Variants in TRABD2A observed in about 807,000 individuals in gnomAD.
TRABD2A encodes metalloprotease TIKI1.
TRABD2A carries 43 observed loss-of-function variants against 45.6 expected under a neutral mutation model. The observed-to-expected ratio is 0.94, with a 90% confidence interval of 0.74 to 1.22. The LOEUF is 1.22. TRABD2A is among the 50% of genes most tolerant of loss of function. The pLI is 0.00. For missense variants in TRABD2A, 642 were observed against 652.4 expected (o/e 0.98, Z 0.17); for synonymous variants, 269 against 265.0 (o/e 1.02, Z -0.15).
chr2:84,821,777 G>A lies in TRABD2A; in HGVS notation c.*140C>T, dbSNP rs1681006281. 1 of 867,462 alleles carries A rather than the reference G, an allele frequency of 1.2e-6. No individual in the cohort carries two copies. Among genetic ancestry groups the A allele is most frequent in the African/African-American group, 1.8e-5 (1 of 57,088 alleles). The allele number at this position is 867,462 out of a possible 1,614,324, so 53.7% of individuals were successfully genotyped here. ...CCCAAAGTCACATTCCTTGGAAAGAGAAGAATCAACACTGGGCCGCTTTTT... is the reference window on the plus strand; with the variant it reads ...CCCAAAGTCACATTCCTTGGAAAGAAAAGAATCAACACTGGGCCGCTTTTT... On this transcript the variant is annotated 3_prime_UTR_variant, in exon 7 of 7. Transcript: ENST00000409520.
intron 1 of TRABD2A, among the ~76,000 whole-genome samples, chr2:84,873,014 C>T (rs1682913035): frequency 6.7e-6 from 1 of 149,386 alleles, no homozygotes; most frequent in Admixed American, 6.8e-5. Flanking sequence ...ATTTGGGAGG[C>T]TGAGGCAGGA....
intron 2 of TRABD2A, among the ~76,000 whole-genome samples, chr2:84,855,441 T>A (rs908495945): frequency 2.4e-4 from 36 of 151,200 alleles, no homozygotes; most frequent in South Asian, 4.2e-4. Flanking sequence ...TCCCTTTTTT[T>A]AAAAAAAAAT....
chr2:84,878,419 G>A (rs1278306243), intron 1 of TRABD2A, among the ~76,000 whole-genome samples: 2 of 152,028 alleles, frequency 1.3e-5, no homozygotes, highest in Non-Finnish European at 2.9e-5. Context: ...CAGCTGCTCA[G>A]GAGGCTGAGG....
intron 5 of TRABD2A, 80 bp downstream of exon 5, chr2:84,831,975 G>T: frequency 6.8e-7 from 1 of 1,460,900 alleles, no homozygotes; most frequent in Non-Finnish European, 9.6e-7. Context: ...AGCTCCTCAA[G>T]ATAGCAGCCC....
intron 2 of TRABD2A, among the ~76,000 whole-genome samples, chr2:84,859,446 A>G (rs1362608002): frequency 6.6e-6 from 1 of 152,262 alleles, no homozygotes; most frequent in Non-Finnish European, 1.5e-5. Flanking sequence ...AGAAGACAAA[A>G]TAAACATCTG....
chr2:84,872,406 G>A (rs578173194), intron 1 of TRABD2A, among the ~76,000 whole-genome samples: 2 of 152,228 alleles, frequency 1.3e-5, no homozygotes, highest in African/African-American at 4.8e-5. Context: ...CTACTCAAGA[G>A]GCTGAGGTGG....
intron 5 of TRABD2A, among the ~76,000 whole-genome samples, chr2:84,824,972 CTTT>C (rs1480066995): frequency 6.6e-6 from 1 of 152,196 alleles, no homozygotes; most frequent in Non-Finnish European, 1.5e-5. Flanking sequence ...CCAAATACTT[CTTT>C]GAGTGAAGAA....
At chr2:84,843,401 A>C (rs574257493) in intron 2 of TRABD2A, among the ~76,000 whole-genome samples, 1 of 152,160 alleles carries the variant, frequency 6.6e-6, no homozygotes, top group South Asian at 2.1e-4. Context: ...TTCTCCTTTC[A>C]CATGTTCTCC....
At position 84,870,310 on chromosome 2, in the gene TRABD2A, T is replaced by C. The variant is rs1207279814; in HGVS notation, c.584A>G (p.Glu195Gly). ...AGTCTGTTTCCTCAGCCGCTCAGCC[T>C]CCTGGGCAAGGAACAGGTCTAAGAC... Reference protein sequence around the residue: ...VPVLDLFLAQEAERLRKQTGA... With the variant: ...VPVLDLFLAQGAERLRKQTGA... The change falls in exon 2 of 7, where the codon GAG becomes GGG. Residue 195 changes from glutamate (E) to glycine (G), a missense_variant. Physicochemically the swap from Glu to Gly is moderately conservative, Grantham distance 98. Transcript: ENST00000409520. 1 of 1,614,022 alleles carries C rather than the reference T, an allele frequency of 6.2e-7. No individual in the cohort carries two copies. The highest frequency in any genetic ancestry group is 1.7e-5 in the Admixed American group (1 of 60,026).
In TRABD2A at chr2:84,821,919, A is replaced by C; in HGVS notation, c.1516T>G (p.Ter506GluextTer7). ...TCTTAGCCTGGTGCTTCCAGTCGTT[A>C]CAGGAGGGGTGTCTCTGTTTGGAAA... The part of the protein sequence containing the change: ...LAFQTETPLL[*>E] Residue 506 changes from the stop codon to glutamate, a stop_lost, in exon 7 of 7, where the codon TAA becomes GAA. Transcript: ENST00000409520. The C allele has an allele frequency of 1.3e-6, 2 of 1,594,198 alleles. No homozygotes were observed. The highest frequency in any genetic ancestry group is 8.5e-7 in the Non-Finnish European group (1 of 1,169,904).
chr2:84,879,935 G>A (rs1318188432), intron 1 of TRABD2A, among the ~76,000 whole-genome samples: 1 of 152,162 alleles, frequency 6.6e-6, no homozygotes, highest in East Asian at 1.9e-4. Flanking sequence ...GGGGAGCTGC[G>A]CAGGTGTCAT....
intron 2 of TRABD2A, among the ~76,000 whole-genome samples, chr2:84,849,742 C>T (rs529183586): frequency 6.6e-6 from 1 of 152,294 alleles, no homozygotes; most frequent in South Asian, 2.1e-4. Context: ...TAAAAAAATG[C>T]CTTAGAGAGG....
chr2:84,848,021 T>G lies in TRABD2A; in HGVS notation c.670-6014A>C, dbSNP rs551750657. Among the ~76,000 whole-genome samples, 130 of 152,346 alleles carry G rather than the reference T, an allele frequency of 8.5e-4. 1 individual carries two copies. The highest frequency in any genetic ancestry group is 1.4e-3 in the Admixed American group (22 of 15,302). On this transcript the variant is annotated intron_variant, in intron 2 of 6. Coordinates refer to ENST00000409520, the MANE Select transcript of TRABD2A (RefSeq NM_001277053.2). ...CCCTTTTTTATAAGAACAGTCATTT[T>G]TGAGTAGGGCCAACCCTAATGACCT...
intron 2 of TRABD2A, among the ~76,000 whole-genome samples, chr2:84,849,916 G>A (rs4831984): frequency 0.15 from 23,407 of 152,196 alleles, 2,077 homozygotes; most frequent in Non-Finnish European, 0.2. Flanking sequence ...TCCGCCAGTC[G>A]TAGTGTTTTC....
intron 2 of TRABD2A, among the ~76,000 whole-genome samples, chr2:84,868,673 AAAAG>A (rs570425234): frequency 8.5e-4 from 129 of 152,326 alleles, no homozygotes; most frequent in Middle Eastern, 3.4e-3. Context: ...GTATAAGAAA[AAAAG>A]AAAGAAAGGA....
At chr2:84,834,186 G>A (rs987146713) in intron 4 of TRABD2A, 3 of 152,092 alleles carry the variant, frequency 2.0e-5, no homozygotes, top group African/African-American at 7.2e-5. Context: ...CCACTGTTAC[G>A]GTGCCTCAAG....
chr2:84,848,387 C>T lies in TRABD2A; in HGVS notation c.670-6380G>A, dbSNP rs938963261. 3.1e-3 allele frequency among the ~76,000 whole-genome samples: 424 copies of T among 137,270 alleles called. 2 individuals are homozygous for T. The highest frequency in any genetic ancestry group is 0.011 in the African/African-American group (370 of 35,020). The allele number at this position is 137,270 out of a possible 152,430, so 90.1% of individuals were successfully genotyped here. A position where few individuals can be genotyped will look rare whatever the true frequency, so the allele number is the denominator to read the frequency against. ...ATAGATAGATAGATAGACAGACAGA[C>T]AGACAGACAGACAGACAGACAGACA... On this transcript the variant is annotated intron_variant, in intron 2 of 6. Transcript: ENST00000409520.
chr2:84,859,653 G>A (rs1333158198), intron 2 of TRABD2A, among the ~76,000 whole-genome samples: 1 of 152,158 alleles, frequency 6.6e-6, no homozygotes, highest in Non-Finnish European at 1.5e-5. Context: ...CTGGAGCAGG[G>A]ACCAAGAATA....
chr2:84,855,572 C>T (rs1186160996), intron 2 of TRABD2A, among the ~76,000 whole-genome samples: 1 of 152,190 alleles, frequency 6.6e-6, no homozygotes, highest in Non-Finnish European at 1.5e-5. Context: ...CTGGAGAATA[C>T]TTTACAGGCT....
Sources: allele counts gnomAD v4.1 joint callset (sites outside exome capture counted in the v4.1 genomes callset), GRCh38; gene constraint gnomAD v4.1.1; transcripts MANE v1.5; gene names NCBI Gene and HGNC (gene_info 2026-07-23, HGNC 2026-07-21).